Variants in CCDC12 observed in about 807,000 individuals in gnomAD.
CCDC12 encodes coiled-coil domain containing 12.
CCDC12 carries 28 observed loss-of-function variants against 25.7 expected under a neutral mutation model. The ratio of observed to expected loss-of-function variants is 1.09; its 90% CI spans 0.81 to 1.50. The LOEUF (loss-of-function observed/expected upper bound fraction) is 1.50, where lower values mean the gene tolerates loss of function less well. CCDC12 is among the 40% of genes most tolerant of loss of function. CCDC12 has a pLI of 0.00. For missense variants in CCDC12, 198 were observed against 210.0 expected (o/e 0.94, Z 0.35); for synonymous variants, 75 against 87.7 (o/e 0.86, Z 0.81).
At chr3:46,924,452 A>C (rs2032846767) in intron 3 of CCDC12, among the ~76,000 whole-genome samples, 2 of 152,258 alleles carry the variant, frequency 1.3e-5, no homozygotes, top group African/African-American at 4.8e-5. Context: ...GGGATGAAGG[A>C]AGTGGGGAAG....
Position 46,947,719 on chromosome 3 carries a change from G to A in CCDC12, c.97-6654C>T, listed in dbSNP as rs139431991. ...GACCAAGAGTTCCTAGAGGGCAGAC[G>A]TTTGTTGTACCAGTTTGCACCCACA... On this transcript the variant is annotated intron_variant, in intron 1 of 6. Transcript: ENST00000683445. Among the ~76,000 whole-genome samples, 302 of 152,298 alleles carry A rather than the reference G, an allele frequency of 2.0e-3. 1 individual carries two copies. Among genetic ancestry groups the A allele is most frequent in the Non-Finnish European group, 3.3e-3 (223 of 68,030 alleles).
At chr3:46,935,506 T>TA (rs1213125309) in intron 2 of CCDC12, among the ~76,000 whole-genome samples, 142 of 143,606 alleles carry the variant, frequency 9.9e-4, no homozygotes, top group African/African-American at 1.5e-3. Flanking sequence ...GAGAGCTTTT[T>TA]AAAAAAAAAA....
upstream of CCDC12, among the ~76,000 whole-genome samples, chr3:46,980,332 G>A (rs1450129132): frequency 6.6e-6 from 1 of 152,186 alleles, no homozygotes; most frequent in East Asian, 1.9e-4. Context: ...CTCTCCCTTG[G>A]GCGCGGCCTG....
chr3:46,980,266 C>T (rs990034962), upstream of CCDC12, among the ~76,000 whole-genome samples: 1 of 152,174 alleles, frequency 6.6e-6, no homozygotes, highest in Non-Finnish European at 1.5e-5. Context: ...CCTGGAGAGA[C>T]CTGGAGACTG....
At position 46,925,521 on chromosome 3, in the gene CCDC12, C is replaced by T. The variant is rs554691968; in HGVS notation, c.179G>A (p.Arg60Gln). Residue 60 changes from arginine (R) to glutamine (Q), a missense_variant, in exon 3 of 7, where the codon CGG becomes CAG. Arg to Gln is a conservative substitution (Grantham distance 43). Coordinates refer to ENST00000683445, the MANE Select transcript of CCDC12 (RefSeq NM_001277074.2). ...GTCCTCATCCTCCGGGACATAGTTC[C>T]GCAGCCTAAGTTCCCTGCAAGAATA... ...EGEKHRELRL[R>Q]NYVPEDEDLK... is the part of the protein sequence containing the mutation. 15 of 1,587,228 alleles carry T rather than the reference C, an allele frequency of 9.5e-6. No individual in the cohort carries two copies. Among genetic ancestry groups the T allele is most frequent in the East Asian group, 4.5e-5 (2 of 44,346 alleles).
At chr3:46,932,456 G>A (rs2033268850) in intron 2 of CCDC12, among the ~76,000 whole-genome samples, 1 of 152,226 alleles carries the variant, frequency 6.6e-6, no homozygotes, top group Non-Finnish European at 1.5e-5. Flanking sequence ...CCACTCGTGG[G>A]CAGAGGAGAC....
chr3:46,936,367 T>C (rs145129183), intron 2 of CCDC12, among the ~76,000 whole-genome samples: 218 of 152,332 alleles, frequency 1.4e-3, no homozygotes, highest in Non-Finnish European at 2.5e-3. Flanking sequence ...TACTTCTGCC[T>C]TTTCGAGGTG....
At chr3:46,974,099 G>A (rs1031015318) in intron 1 of CCDC12, among the ~76,000 whole-genome samples, 3 of 152,160 alleles carry the variant, frequency 2.0e-5, no homozygotes, top group African/African-American at 4.8e-5. Flanking sequence ...GTCACAGAAG[G>A]ACAAATACTG....
rs147972456 is a variant in CCDC12, at chr3:46,937,175, T to C, written c.164+3823A>G. ...CTGGAAGGGGCCCCCAGGGACACTG[T>C]GTAAAGGAGAGTTGGGGTGATGTCT... On this transcript the variant is annotated intron_variant, in intron 2 of 6. Coordinates refer to ENST00000683445, the MANE Select transcript of CCDC12 (RefSeq NM_001277074.2). Among the ~76,000 whole-genome samples, 44 of 152,232 alleles carry C rather than the reference T, an allele frequency of 2.9e-4. No homozygotes were observed. The East Asian group carries it at 8.3e-3, about 29-fold the overall frequency.
intron 1 of CCDC12, among the ~76,000 whole-genome samples, chr3:46,946,465 T>C (rs2033911035): frequency 6.6e-6 from 1 of 152,266 alleles, no homozygotes; most frequent in African/African-American, 2.4e-5. Flanking sequence ...AGAGCATTCC[T>C]GGGAGTGGTA....
rs372121412 is a variant in CCDC12, at chr3:46,976,374, G to A, written c.96+263C>T. ...CTACACGAGCAACACCCGGGAAGCA[G>A]GAGTCAGATGGACTGCGGGTCGCTG... On this transcript the variant is annotated intron_variant, in intron 1 of 6. Transcript: ENST00000683445. The A allele has an allele frequency of 1.7e-5, 23 of 1,382,424 alleles. No individual in the cohort carries two copies. In the East Asian group the frequency reaches 3.6e-4, roughly 22 times the overall value. The allele number at this position is 1,382,424 out of a possible 1,614,324, so 85.6% of individuals were successfully genotyped here.
intron 2 of CCDC12, chr3:46,940,573 G>C (rs2033660159): frequency 1.2e-5 from 2 of 171,734 alleles, no homozygotes; most frequent in African/African-American, 4.7e-5. Flanking sequence ...AGTGGCCAGA[G>C]GTGGCAAGGG....
intron 1 of CCDC12, among the ~76,000 whole-genome samples, chr3:46,958,436 T>A (rs1015534921): frequency 6.6e-6 from 1 of 152,170 alleles, no homozygotes; most frequent in African/African-American, 2.4e-5. Context: ...CTGGAAAACT[T>A]TGTAATTTTG....
chr3:46,978,205 G>A (rs2107217737), upstream of CCDC12, among the ~76,000 whole-genome samples: 1 of 152,306 alleles, frequency 6.6e-6, no homozygotes, highest in Non-Finnish European at 1.5e-5. Flanking sequence ...CACTAACCTG[G>A]GTCTGTCTAA....
In CCDC12 at chr3:46,974,474, A is replaced by G. The variant is rs2034904765; in HGVS notation, c.96+2163T>C. Among the ~76,000 whole-genome samples, 3 of 152,176 alleles carry G rather than the reference A, an allele frequency of 2.0e-5. No homozygotes were observed. The South Asian group carries it at 6.2e-4, about 32-fold the overall frequency. On this transcript the variant is annotated intron_variant, in intron 1 of 6. Coordinates refer to ENST00000683445, the MANE Select transcript of CCDC12 (RefSeq NM_001277074.2). The stretch of plus-strand genomic sequence containing the variant: ...GCATTCCGACCTCAAACCCGGCCCC[A>G]ATAACCTGCCCTAAATCCAAGCGAA...
intron 2 of CCDC12, among the ~76,000 whole-genome samples, chr3:46,930,932 C>T (rs750073298): frequency 5.3e-5 from 8 of 152,180 alleles, no homozygotes; most frequent in Non-Finnish European, 1.2e-4. Context: ...TCACAGCCTG[C>T]CCTAAATGCA....
At chr3:46,953,592 C>T (rs185223347) in intron 1 of CCDC12, among the ~76,000 whole-genome samples, 134 of 151,540 alleles carry the variant, frequency 8.8e-4, no homozygotes, top group Admixed American at 2.5e-3. Flanking sequence ...GAAACCATGG[C>T]TGGCACTCAG....
chr3:46,925,046 G>A, intron 3 of CCDC12: 1 of 361,978 alleles, frequency 2.8e-6, no homozygotes, highest in Non-Finnish European at 5.5e-6. Context: ...CCCGTCCACT[G>A]CTGTGTGTGG....
chr3:46,932,517 C>T (rs992639219), intron 2 of CCDC12, among the ~76,000 whole-genome samples: 2 of 152,200 alleles, frequency 1.3e-5, no homozygotes, highest in Non-Finnish European at 2.9e-5. Context: ...GCCTGAAGAA[C>T]GGGTACAGTG....
Sources: allele counts gnomAD v4.1 joint callset (sites outside exome capture counted in the v4.1 genomes callset), GRCh38; gene constraint gnomAD v4.1.1; transcripts MANE v1.5; gene names NCBI Gene and HGNC (gene_info 2026-07-23, HGNC 2026-07-21).